Variants in DLG2 observed in about 807,000 individuals in gnomAD.
The protein encoded by DLG2 is disks large homolog 2.
Under a neutral mutation model 132.5 loss-of-function variants are expected in DLG2, and 45 were observed. The observed-to-expected ratio is 0.34, with a 90% CI of 0.27 to 0.44. The LOEUF (loss-of-function observed/expected upper bound fraction) is 0.44. Ranked by LOEUF, DLG2 falls within the 20% of genes least tolerant of loss-of-function variation. The pLI, the probability that DLG2 is intolerant of heterozygous loss-of-function variation, is 1.00. For missense variants in DLG2, 1,045 were observed against 1,196.9 expected (o/e 0.87, Z 1.87); for synonymous variants, 424 against 419.6 (o/e 1.01, Z -0.13).
rs191204458 is a variant in DLG2, at chr11:85,241,150, A to G, written c.186+44070T>C. Among the ~76,000 whole-genome samples the G allele has an allele frequency of 6.1e-4, 92 of 151,628 alleles. 1 individual carries two copies. Among genetic ancestry groups the G allele is most frequent in the African/African-American group, 2.1e-3 (88 of 41,440 alleles). On this transcript the variant is annotated intron_variant, in intron 4 of 27. Coordinates refer to ENST00000376104, the MANE Select transcript of DLG2 (RefSeq NM_001142699.3). ...TTATTACTAGATACTTGATTTTTTGATGCTATAATAAATGGTACCTTTTAA... is the reference window on the plus strand; with the variant it reads ...TTATTACTAGATACTTGATTTTTTGGTGCTATAATAAATGGTACCTTTTAA...
chr11:85,070,160 G>A (rs2065611682), intron 6 of DLG2, among the ~76,000 whole-genome samples: 2 of 151,870 alleles, frequency 1.3e-5, no homozygotes, highest in South Asian at 4.1e-4. Flanking sequence ...TCGTGGGGTG[G>A]GTGGAGAGGG....
intron 6 of DLG2, among the ~76,000 whole-genome samples, chr11:84,552,081 TCTC>T (rs1411555779): frequency 1.3e-5 from 2 of 152,162 alleles, no homozygotes; most frequent in African/African-American, 2.4e-5. Context: ...GCTGTAGCTA[TCTC>T]AGTAACCCCC....
chr11:83,896,453 T>C (rs2071720135), intron 15 of DLG2, among the ~76,000 whole-genome samples: 1 of 152,240 alleles, frequency 6.6e-6, no homozygotes, highest in Non-Finnish European at 1.5e-5. Flanking sequence ...CTCACTGTTA[T>C]TACAGTCAAA....
At chr11:83,609,126 A>G (rs2059752697) in intron 19 of DLG2, among the ~76,000 whole-genome samples, 1 of 152,244 alleles carries the variant, frequency 6.6e-6, no homozygotes, top group South Asian at 2.1e-4. Flanking sequence ...GAAAGTGACC[A>G]AAAAGGAGAT....
At chr11:84,875,067 G>A (rs981161533) in intron 6 of DLG2, among the ~76,000 whole-genome samples, 3 of 150,784 alleles carry the variant, frequency 2.0e-5, no homozygotes, top group Non-Finnish European at 4.4e-5. Flanking sequence ...AATATTGACT[G>A]ATGCATGAAA....
At chr11:83,811,269 T>C (rs1203623123) in intron 17 of DLG2, among the ~76,000 whole-genome samples, 1 of 152,160 alleles carries the variant, frequency 6.6e-6, no homozygotes. Flanking sequence ...AGCACCCTTT[T>C]CAAATCAGTA....
chr11:84,662,788 A>G (rs1187369115), intron 6 of DLG2, among the ~76,000 whole-genome samples: 1 of 86,340 alleles, frequency 1.2e-5, no homozygotes, highest in Non-Finnish European at 2.2e-5. Context: ...CTCTGTCACA[A>G]AAAAAAAAAA....
At chr11:85,550,146 C>T (rs2076578254) in intron 3 of DLG2, among the ~76,000 whole-genome samples, 1 of 152,218 alleles carries the variant, frequency 6.6e-6, no homozygotes, top group Non-Finnish European at 1.5e-5. Flanking sequence ...CATGTAACCT[C>T]ACTTCTCCTG....
chr11:83,593,722 T>G (rs971555101), intron 19 of DLG2, among the ~76,000 whole-genome samples: 1 of 151,090 alleles, frequency 6.6e-6, no homozygotes, highest in Non-Finnish European at 1.5e-5. Context: ...ATAAAAATCA[T>G]GTGGAAATCC....
intron 4 of DLG2, among the ~76,000 whole-genome samples, chr11:85,210,372 T>G (rs2082178659): frequency 6.6e-6 from 1 of 152,106 alleles, no homozygotes; most frequent in African/African-American, 2.4e-5. Context: ...CCTCAGAGCC[T>G]TTGTATTGTA....
At chr11:83,497,648 T>G (rs910119847) in intron 21 of DLG2, among the ~76,000 whole-genome samples, 1 of 152,186 alleles carries the variant, frequency 6.6e-6, no homozygotes, top group Non-Finnish European at 1.5e-5. Flanking sequence ...AATCTCATAA[T>G]TCTTATGCTC....
intron 6 of DLG2, among the ~76,000 whole-genome samples, chr11:84,944,366 G>A (rs759686714): frequency 2.0e-5 from 3 of 152,002 alleles, no homozygotes; most frequent in Non-Finnish European, 2.9e-5. Flanking sequence ...ATAACTCTTA[G>A]ATTTGGCCTT....
At chr11:84,442,290 C>A (rs2099019549) in intron 7 of DLG2, among the ~76,000 whole-genome samples, 1 of 152,042 alleles carries the variant, frequency 6.6e-6, no homozygotes, top group African/African-American at 2.4e-5. Context: ...TCTCTTATTT[C>A]CTTGAGCAGT....
intron 11 of DLG2, among the ~76,000 whole-genome samples, chr11:84,047,239 T>C (rs2096260421): frequency 6.6e-6 from 1 of 151,674 alleles, no homozygotes; most frequent in South Asian, 2.1e-4. Flanking sequence ...ACCTAATATG[T>C]TTTTGAAATA....
At chr11:84,477,562 G>C (rs2099125147) in intron 7 of DLG2, among the ~76,000 whole-genome samples, 1 of 152,064 alleles carries the variant, frequency 6.6e-6, no homozygotes, top group Non-Finnish European at 1.5e-5. Flanking sequence ...AACAATCCCA[G>C]AATGAGAAAG....
At chr11:84,639,923 A>G (rs1172054160) in intron 6 of DLG2, 1 of 177,734 alleles carries the variant, frequency 5.6e-6, no homozygotes, top group Non-Finnish European at 1.2e-5. Flanking sequence ...AATTTCCTGA[A>G]GATAATAAGC....
At chr11:84,083,251 G>A (rs1010911683) in intron 10 of DLG2, among the ~76,000 whole-genome samples, 2 of 152,110 alleles carry the variant, frequency 1.3e-5, no homozygotes, top group African/African-American at 4.8e-5. Flanking sequence ...CTGCACTCCA[G>A]CCTGGGCAAC....
At chr11:84,380,664 A>G (rs2098746173) in intron 7 of DLG2, among the ~76,000 whole-genome samples, 1 of 151,974 alleles carries the variant, frequency 6.6e-6, no homozygotes, top group Admixed American at 6.6e-5. Context: ...CTCCAAAGTA[A>G]GATGTTAGGG....
intron 10 of DLG2, among the ~76,000 whole-genome samples, chr11:84,065,435 CAT>C (rs1193090632): frequency 6.6e-6 from 1 of 152,090 alleles, no homozygotes. Context: ...CAAAAGAAGA[CAT>C]AGACATGGCC....
Sources: gnomAD v4.1 joint callset for allele counts (sites outside exome capture counted in the v4.1 genomes callset) on GRCh38, gnomAD v4.1.1 for gene constraint, MANE v1.5 for transcripts, NCBI Gene and HGNC (gene_info 2026-07-23, HGNC 2026-07-21) for gene names.